ERI1: variants seen among roughly 807,000 people sequenced by gnomAD.
The protein encoded by ERI1 is 3'-5' exoribonuclease 1.
In ERI1, 39 loss-of-function variants were observed where a neutral mutation model predicts 39.7. The ratio of observed to expected loss-of-function variants is 0.98; its 90% CI spans 0.76 to 1.28. ERI1 has a LOEUF of 1.28. ERI1 is among the 50% of genes most tolerant of loss of function. The pLI is 0.00. For synonymous variants in ERI1, 204 were observed against 149.6 expected (o/e 1.36, Z -2.65); for missense variants, 581 against 416.9 (o/e 1.39, Z -3.43).
chr8:9,028,634 C>CT lies in ERI1; in HGVS notation c.808-1151dup, dbSNP rs1326195283. 3.3e-5 allele frequency among the ~76,000 whole-genome samples: 5 copies of CT among 150,162 alleles called. No individual in the cohort carries two copies. The East Asian group carries it at 9.7e-4, about 29-fold the overall frequency. On this transcript the variant is annotated intron_variant, in intron 6 of 6. Transcript: ENST00000250263. Reference sequence around the variant, plus strand: ...AAGAAAATATAACAATTTTTTTTTTCTTTTTTTGAGATGGAACCTCACTCT... The same window carrying CT: ...AAGAAAATATAACAATTTTTTTTTTCTTTTTTTTGAGATGGAACCTCACTCT...
chr8:9,019,112 A>G lies in ERI1; in HGVS notation c.692+706A>G, dbSNP rs1173240041. 3.9e-5 allele frequency among the ~76,000 whole-genome samples: 6 copies of G among 152,344 alleles called. No individual in the cohort carries two copies. The East Asian group carries it at 1.2e-3, about 29-fold the overall frequency. Reference sequence around the variant, plus strand: ...TAATGCTTACCTTAGTGCTGAGCTTAAAGTGTATGCCCAAAAAGCATTTGT... The same window carrying G: ...TAATGCTTACCTTAGTGCTGAGCTTGAAGTGTATGCCCAAAAAGCATTTGT... On this transcript the variant is annotated intron_variant, in intron 5 of 6. Coordinates refer to ENST00000250263, the MANE Select transcript of ERI1 (RefSeq NM_153332.4).
In ERI1 at chr8:9,024,642, T is replaced by A. The variant is rs1202984829; in HGVS notation, c.807+4178T>A. On this transcript the variant is annotated intron_variant, in intron 6 of 6. Transcript: ENST00000250263. ...TTTCACTATGTTGGCCAGGCTGGTT[T>A]TGAACTCCTGACCTCAAATGATCTG... 2.6e-5 allele frequency among the ~76,000 whole-genome samples: 4 copies of A among 152,102 alleles called. No homozygotes were observed. In the South Asian group the frequency reaches 8.3e-4, roughly 31 times the overall value.
intron 3 of ERI1, among the ~76,000 whole-genome samples, chr8:9,057,580 C>G (rs781739390): frequency 6.6e-6 from 1 of 152,180 alleles, no homozygotes; most frequent in Non-Finnish European, 1.5e-5. Flanking sequence ...TTTATGGGCC[C>G]TTTATGAGCC....
chr8:9,037,062 T>A (rs1285407773), downstream of ERI1, among the ~76,000 whole-genome samples: 1 of 152,184 alleles, frequency 6.6e-6, no homozygotes, highest in East Asian at 1.9e-4. Flanking sequence ...AACAGACTTC[T>A]CTCTTGCTGT....
chr8:9,016,272 T>A (rs774527543), intron 3 of ERI1, 50 bp from the exon 4 acceptor site: 6 of 1,164,908 alleles, frequency 5.2e-6, no homozygotes, highest in Admixed American at 2.0e-5. Context: ...TCATGTATCG[T>A]GTATCTTAAC....
intron 1 of ERI1, among the ~76,000 whole-genome samples, chr8:9,005,733 A>T (rs1815940320): frequency 6.6e-6 from 1 of 151,928 alleles, no homozygotes; most frequent in Non-Finnish European, 1.5e-5. Context: ...TGACCTCGTT[A>T]TCCGCCCGCC....
chr8:9,003,284 G>C (rs531206777), intron 1 of ERI1, 113 bp downstream of exon 1: 1 of 589,070 alleles, frequency 1.7e-6, no homozygotes, highest in South Asian at 9.1e-5. Context: ...TGCGCCCTTG[G>C]ACCCCAGCCT....
chr8:9,052,897 G>C (rs1798404083), intron 3 of ERI1, among the ~76,000 whole-genome samples: 1 of 152,206 alleles, frequency 6.6e-6, no homozygotes, highest in Admixed American at 6.5e-5. Context: ...ACACTACAAA[G>C]ACCAAGCTTA....
intron 5 of ERI1, 63 bp from the exon 6 acceptor site, chr8:9,020,287 A>G: frequency 1.3e-6 from 1 of 780,078 alleles, no homozygotes; most frequent in South Asian, 2.5e-5. Context: ...GATTTAAAAT[A>G]CTCATTTGTA....
At chr8:9,058,472 T>A (rs755310321) in intron 3 of ERI1, among the ~76,000 whole-genome samples, 3 of 152,246 alleles carry the variant, frequency 2.0e-5, no homozygotes, top group Non-Finnish European at 4.4e-5. Flanking sequence ...GTTTTCTCCA[T>A]GTTAATGAGG....
At chr8:9,039,936 A>T (rs771253901) in intron 3 of ERI1, among the ~76,000 whole-genome samples, 1 of 152,146 alleles carries the variant, frequency 6.6e-6, no homozygotes, top group Non-Finnish European at 1.5e-5. Context: ...GGTTTTATTC[A>T]GTGCCTCATG....
intron 3 of ERI1, among the ~76,000 whole-genome samples, chr8:9,013,565 C>T (rs142501201): frequency 1.3e-5 from 2 of 152,040 alleles, no homozygotes; most frequent in African/African-American, 4.8e-5. Context: ...CATCCTTTCG[C>T]TTGATGATCT....
Position 9,029,883 on chromosome 8 carries a change from A to G in ERI1, c.899A>G (p.Lys300Arg). Residue 300 changes from lysine to arginine, a missense_variant, in exon 7 of 7, where the codon AAG becomes AGG. By Grantham distance (26) the Lys-to-Arg change is conservative. Coordinates refer to ENST00000250263, the MANE Select transcript of ERI1 (RefSeq NM_153332.4). ...GRPHCGLDDS[K>R]NIARIAVRML... is the part of the protein sequence containing the mutation. ...CCTCACTGTGGTCTTGATGACTCTAAGAATATCGCCCGAATAGCAGTTCGA... is the reference window on the plus strand; with the variant it reads ...CCTCACTGTGGTCTTGATGACTCTAGGAATATCGCCCGAATAGCAGTTCGA... The G allele has an allele frequency of 6.2e-7, 1 of 1,614,192 alleles. No individual in the cohort carries two copies. Among genetic ancestry groups the G allele is most frequent in the Non-Finnish European group, 8.5e-7 (1 of 1,180,026 alleles).
chr8:9,028,383 A>T (rs1035905074), intron 6 of ERI1, among the ~76,000 whole-genome samples: 1 of 152,206 alleles, frequency 6.6e-6, no homozygotes. Context: ...TGCGTTTTCC[A>T]AGTGATAATT....
At chr8:9,069,511 T>C (rs955909511) in intron 3 of ERI1, among the ~76,000 whole-genome samples, 5 of 152,198 alleles carry the variant, frequency 3.3e-5, no homozygotes, top group African/African-American at 1.2e-4. Context: ...GCATCAAACA[T>C]GTTTGAAGGT....
At chr8:9,059,886 T>C (rs1343851348) in intron 3 of ERI1, among the ~76,000 whole-genome samples, 1 of 152,130 alleles carries the variant, frequency 6.6e-6, no homozygotes. Flanking sequence ...TGACAAGTTT[T>C]CTGGGGCACA....
chr8:9,018,526 C>T (rs745452162), intron 5 of ERI1, 120 bp downstream of exon 5: 16 of 590,056 alleles, frequency 2.7e-5, no homozygotes, highest in African/African-American at 1.9e-4. Flanking sequence ...TCTCACCCCA[C>T]AGGGAATAGT....
chr8:9,099,796 A>G (rs1368718854), intron 3 of ERI1: 1 of 152,112 alleles, frequency 6.6e-6, no homozygotes, highest in Non-Finnish European at 1.5e-5. Flanking sequence ...ATTACGAATA[A>G]TGCCGCAGTC....
Position 9,030,271 on chromosome 8 carries a change from C to G in ERI1, c.*237C>G. 2.0e-6 allele frequency: 1 copy of G among 508,314 alleles called. No homozygotes were observed. The highest frequency in any genetic ancestry group is 3.5e-6 in the Non-Finnish European group (1 of 288,402). The allele number at this position is 508,314 out of a possible 1,614,324, so 31.5% of individuals were successfully genotyped here. A position where few individuals can be genotyped will look rare whatever the true frequency, so the allele number is the denominator to read the frequency against. ...ATTCGTTACATAGTAACAGTTCCTG[C>G]TTACAACTGAATTTTATAATTTAAG... On this transcript the variant is annotated 3_prime_UTR_variant, in exon 7 of 7. Coordinates refer to ENST00000250263, the MANE Select transcript of ERI1 (RefSeq NM_153332.4).
Sources: gnomAD v4.1 joint callset for allele counts (sites outside exome capture counted in the v4.1 genomes callset) on GRCh38, gnomAD v4.1.1 for gene constraint, MANE v1.5 for transcripts, NCBI Gene and HGNC (gene_info 2026-07-23, HGNC 2026-07-21) for gene names.